Variants in SUN3 observed in about 807,000 individuals in gnomAD.
SUN3 encodes the protein SUN domain-containing protein 3.
In SUN3, 36 loss-of-function variants were observed where a neutral mutation model predicts 48.2. The observed-to-expected ratio is 0.75, with a 90% CI of 0.57 to 0.99. The LOEUF is 0.99. SUN3 is among the 50% of genes least tolerant of loss of function. The pLI is 0.00. For synonymous variants in SUN3, 148 were observed against 147.9 expected (o/e 1.00, Z 0.00); for missense variants, 419 against 433.1 (o/e 0.97, Z 0.29).
intron 1 of SUN3, 52 bp downstream of exon 1, chr7:48,028,765 T>C: frequency 6.3e-7 from 1 of 1,598,048 alleles, no homozygotes; most frequent in Non-Finnish European, 8.6e-7. Context: ...GTGACAGATG[T>C]AACACATAAA....
At chr7:48,007,714 T>C (rs1789569338) in intron 4 of SUN3, among the ~76,000 whole-genome samples, 4 of 152,168 alleles carry the variant, frequency 2.6e-5, no homozygotes, top group African/African-American at 4.8e-5. Context: ...AATTGTAGCC[T>C]GAGTTCAGTG....
intron 4 of SUN3, among the ~76,000 whole-genome samples, chr7:48,008,691 G>A (rs1465245319): frequency 1.3e-5 from 2 of 152,118 alleles, no homozygotes; most frequent in East Asian, 3.8e-4. Context: ...CAAGTGAGAG[G>A]AGGCAATTTT....
intron 2 of SUN3, among the ~76,000 whole-genome samples, chr7:48,022,043 A>G (rs1343154125): frequency 6.6e-6 from 1 of 152,176 alleles, no homozygotes; most frequent in East Asian, 1.9e-4. Context: ...AGATAAATGG[A>G]TAAAGAAAAT....
At chr7:48,006,310 T>C (rs1789524152) in intron 5 of SUN3, among the ~76,000 whole-genome samples, 1 of 152,160 alleles carries the variant, frequency 6.6e-6, no homozygotes, top group Non-Finnish European at 1.5e-5. Context: ...CACAGCACCG[T>C]GGACCTAGGG....
chr7:48,018,604 C>T (rs927868847), intron 2 of SUN3: 42 of 148,322 alleles, frequency 2.8e-4, no homozygotes, highest in African/African-American at 1.0e-3. Context: ...AGCCTGGCGA[C>T]AGAGTGAGAT....
At chr7:48,017,426 A>G (rs1471460094) in intron 2 of SUN3, 61 bp from the exon 3 acceptor site, 42 of 902,656 alleles carry the variant, frequency 4.7e-5, no homozygotes, top group Non-Finnish European at 7.4e-5. Context: ...AATATTTTAC[A>G]TGTATTCATA....
chr7:48,013,222 C>T (rs1247853238), intron 3 of SUN3, among the ~76,000 whole-genome samples: 2 of 152,274 alleles, frequency 1.3e-5, no homozygotes, highest in East Asian at 3.9e-4. Flanking sequence ...AGTGGTGTGA[C>T]CACAGGCTGC....
At chr7:48,001,075 A>G (rs768532313) in intron 6 of SUN3, among the ~76,000 whole-genome samples, 1 of 151,922 alleles carries the variant, frequency 6.6e-6, no homozygotes, top group Non-Finnish European at 1.5e-5. Context: ...TCTATCTTCA[A>G]CTTCACTACT....
At chr7:47,995,935 C>T in intron 7 of SUN3, 96 bp downstream of exon 7, 2 of 717,720 alleles carry the variant, frequency 2.8e-6, no homozygotes, top group Non-Finnish European at 4.5e-6. Context: ...TTCAGACACT[C>T]TTATATTGCC....
intron 6 of SUN3, among the ~76,000 whole-genome samples, chr7:47,999,921 T>C (rs1018781852): frequency 6.6e-6 from 1 of 152,218 alleles, no homozygotes; most frequent in Non-Finnish European, 1.5e-5. Context: ...ACCTAGCAGC[T>C]CATAGTTTAT....
At chr7:48,017,223 T>A (rs1789837128) in intron 3 of SUN3, 39 bp downstream of exon 3, 1 of 1,132,810 alleles carries the variant, frequency 8.8e-7, no homozygotes. Context: ...TATTAAACTT[T>A]AAATGAGTGA....
chr7:48,032,739 G>T (rs1280318540), upstream of SUN3, among the ~76,000 whole-genome samples: 2 of 152,258 alleles, frequency 1.3e-5, no homozygotes, highest in African/African-American at 4.8e-5. Flanking sequence ...TGAGCTCACA[G>T]AGGTGAAGGT....
chr7:48,017,234 T>C (rs756145255), intron 3 of SUN3, 28 bp downstream of exon 3: 1 of 1,211,636 alleles, frequency 8.3e-7, no homozygotes, highest in East Asian at 2.4e-5. Flanking sequence ...AAATGAGTGA[T>C]ATACAAAATT....
At chr7:48,002,723 CTTTAG>C (rs922275656) in intron 6 of SUN3, among the ~76,000 whole-genome samples, 16 of 152,176 alleles carry the variant, frequency 1.1e-4, no homozygotes, top group African/African-American at 3.6e-4. Flanking sequence ...TGCAGCAGCT[CTTTAG>C]TTTAATTAGA....
intron 1 of SUN3, among the ~76,000 whole-genome samples, chr7:48,027,629 C>G (rs1419860917): frequency 6.6e-6 from 1 of 152,204 alleles, no homozygotes; most frequent in Admixed American, 6.5e-5. Context: ...ATGGACCATT[C>G]ATTAACTGTA....
intron 4 of SUN3, 22 bp from the exon 5 acceptor site, chr7:48,007,349 A>T (rs1789554469): frequency 1.2e-6 from 2 of 1,607,740 alleles, no homozygotes; most frequent in Non-Finnish European, 1.7e-6. Flanking sequence ...AAATCTCAGC[A>T]TGAGAGGAAG....
rs1789205611 is a variant in SUN3, at chr7:47,996,166, TG to T, written c.578-21del. 1 of 1,370,732 alleles carries T rather than the reference TG, an allele frequency of 7.3e-7. No individual in the cohort carries two copies. Among genetic ancestry groups the T allele is most frequent in the South Asian group, 1.3e-5 (1 of 77,868 alleles). The allele number at this position is 1,370,732 out of a possible 1,614,324, so 84.9% of individuals were successfully genotyped here. A position where few individuals can be genotyped will look rare whatever the true frequency, so the allele number is the denominator to read the frequency against. On this transcript the variant is annotated intron_variant, in intron 6 of 9. Transcript: ENST00000297325. ...AGGCTCCTAAAATTATAAAGTAAGT[TG>T]TAAAATAAAGAAACAACATACACAA...
intron 5 of SUN3, 147 bp downstream of exon 5, chr7:48,007,018 A>C (rs982417137): frequency 3.9e-5 from 29 of 734,236 alleles, no homozygotes; most frequent in Middle Eastern, 4.0e-4. Flanking sequence ...GTTTCTGTAC[A>C]CAAACCAAAT....
intron 1 of SUN3, among the ~76,000 whole-genome samples, chr7:48,027,461 T>C (rs1275586098): frequency 1.3e-5 from 2 of 152,156 alleles, no homozygotes; most frequent in Admixed American, 6.5e-5. Flanking sequence ...TGACAACCTT[T>C]TCACATCTAA....
Sources: allele counts gnomAD v4.1 joint callset (sites outside exome capture counted in the v4.1 genomes callset), GRCh38; gene constraint gnomAD v4.1.1; transcripts MANE v1.5; gene names NCBI Gene and HGNC (gene_info 2026-07-23, HGNC 2026-07-21).